ADARB2: variants seen among roughly 807,000 people sequenced by gnomAD.
The protein encoded by ADARB2 is adenosine deaminase RNA specific B2 (inactive).
Under a neutral mutation model 62.2 loss-of-function variants are expected in ADARB2, and 25 were observed. The observed-to-expected ratio is 0.40, with a 90% CI of 0.29 to 0.56. The LOEUF (loss-of-function observed/expected upper bound fraction) is 0.56. ADARB2 is among the 20% of genes least tolerant of loss of function. The pLI is 0.43. For missense variants in ADARB2, 1,071 were observed against 1,077.4 expected (o/e 0.99, Z 0.08); for synonymous variants, 572 against 500.8 (o/e 1.14, Z -1.90).
At chr10:1,631,284 G>A (rs1450437130) in intron 1 of ADARB2, among the ~76,000 whole-genome samples, 1 of 151,976 alleles carries the variant, frequency 6.6e-6, no homozygotes, top group African/African-American at 2.4e-5. Context: ...GGCCTGTAGA[G>A]CACCCACCAC....
At chr10:1,297,612 C>T (rs1831534859) in intron 3 of ADARB2, among the ~76,000 whole-genome samples, 1 of 152,226 alleles carries the variant, frequency 6.6e-6, no homozygotes, top group Admixed American at 6.5e-5. Context: ...ACCCCTCTTC[C>T]CAGCAGCTCC....
intron 1 of ADARB2, among the ~76,000 whole-genome samples, chr10:1,724,255 C>G (rs1835135215): frequency 6.6e-6 from 1 of 152,198 alleles, no homozygotes; most frequent in Non-Finnish European, 1.5e-5. Context: ...TCAGCTGCAC[C>G]CATCTCTGCA....
intron 1 of ADARB2, among the ~76,000 whole-genome samples, chr10:1,734,408 A>G (rs1159586881): frequency 6.6e-6 from 1 of 151,846 alleles, no homozygotes; most frequent in Non-Finnish European, 1.5e-5. Flanking sequence ...ATTATACTTA[A>G]TGAAAGTATT....
intron 1 of ADARB2, among the ~76,000 whole-genome samples, chr10:1,538,256 G>A (rs183492305): frequency 2.0e-5 from 3 of 152,194 alleles, no homozygotes; most frequent in Non-Finnish European, 4.4e-5. Flanking sequence ...TGCAGGGGTC[G>A]CAGACCTCTG....
At chr10:1,363,001 T>C (rs1832274643) in intron 3 of ADARB2, 27 bp downstream of exon 3, 3 of 1,305,210 alleles carry the variant, frequency 2.3e-6, no homozygotes, top group South Asian at 4.5e-5. Flanking sequence ...CGCCGCCCGT[T>C]CCCCCTGCAC....
intron 3 of ADARB2, among the ~76,000 whole-genome samples, chr10:1,355,681 G>A (rs1832187820): frequency 6.6e-6 from 1 of 152,288 alleles, no homozygotes; most frequent in Non-Finnish European, 1.5e-5. Context: ...CATGGTATTG[G>A]GAACCTATAG....
chr10:1,532,145 C>T (rs1832252297), intron 1 of ADARB2, among the ~76,000 whole-genome samples: 1 of 152,160 alleles, frequency 6.6e-6, no homozygotes, highest in Non-Finnish European at 1.5e-5. Flanking sequence ...TATCAGCCCG[C>T]ACCATTCCCT....
intron 8 of ADARB2, among the ~76,000 whole-genome samples, chr10:1,192,930 G>A (rs571197423): frequency 6.6e-6 from 1 of 152,238 alleles, no homozygotes; most frequent in Non-Finnish European, 1.5e-5. Flanking sequence ...GTGACAGAGC[G>A]AGACTCCGTC....
At chr10:1,647,602 C>T (rs947383374) in intron 1 of ADARB2, among the ~76,000 whole-genome samples, 1 of 150,548 alleles carries the variant, frequency 6.6e-6, no homozygotes, top group African/African-American at 2.5e-5. Context: ...GTATATATGT[C>T]TGTGTGGGGA....
chr10:1,406,771 C>G (rs1832710848), intron 1 of ADARB2, among the ~76,000 whole-genome samples: 1 of 152,194 alleles, frequency 6.6e-6, no homozygotes, highest in South Asian at 2.1e-4. Flanking sequence ...CGCCCTTTCC[C>G]CCATTGTCAA....
intron 1 of ADARB2, among the ~76,000 whole-genome samples, chr10:1,497,195 T>A (rs542603389): frequency 6.6e-6 from 1 of 152,242 alleles, no homozygotes; most frequent in Non-Finnish European, 1.5e-5. Flanking sequence ...CTTACTAACA[T>A]CTTCATTTTG....
chr10:1,598,817 A>G (rs896400433), intron 1 of ADARB2, among the ~76,000 whole-genome samples: 3 of 152,260 alleles, frequency 2.0e-5, no homozygotes, highest in Non-Finnish European at 2.9e-5. Flanking sequence ...ATCCGCAGAC[A>G]GAAGCGAAGG....
chr10:1,639,873 C>CA (rs144111050), intron 1 of ADARB2, among the ~76,000 whole-genome samples: 2 of 45,186 alleles, frequency 4.4e-5, no homozygotes, highest in Non-Finnish European at 1.3e-4. Flanking sequence ...CAAAACAAAA[C>CA]AAACAAACAA....
chr10:1,470,091 C>T (rs1280447285), intron 1 of ADARB2, among the ~76,000 whole-genome samples: 1 of 152,146 alleles, frequency 6.6e-6, no homozygotes, highest in African/African-American at 2.4e-5. Context: ...CCAGCCTGAC[C>T]CTCTCCCAGG....
intron 1 of ADARB2, among the ~76,000 whole-genome samples, chr10:1,734,645 G>A (rs1290187657): frequency 3.9e-5 from 6 of 152,206 alleles, no homozygotes; most frequent in Non-Finnish European, 5.9e-5. Context: ...GGGTCAGCAT[G>A]TATCTTAATT....
chr10:1,620,365 C>G (rs1034729635), intron 1 of ADARB2, among the ~76,000 whole-genome samples: 1 of 152,046 alleles, frequency 6.6e-6, no homozygotes, highest in East Asian at 1.9e-4. Context: ...CTTTATGGCC[C>G]AAATGAGGCA....
rs1832638822 is a variant in ADARB2 at position 1,398,933 on chromosome 10, T to TTCCAGGGACTTCTAAGAGTGG, written c.101-19794_101-19774dup. ...TTTGCCAGAGAACCACCGAAGAGCC[T>TTCCAGGGACTTCTAAGAGTGG]TCCAGGGACTTCTAAGAGTGGGCAC... On this transcript the variant is annotated intron_variant, in intron 1 of 9. Coordinates refer to ENST00000381312, the MANE Select transcript of ADARB2 (RefSeq NM_018702.4). The surrounding 1 kb of genome is among the most constrained non-coding windows in gnomAD (Gnocchi z 4.1). Among the ~76,000 whole-genome samples the TTCCAGGGACTTCTAAGAGTGG allele has an allele frequency of 6.6e-6, 1 of 152,170 alleles. No individual in the cohort carries two copies. The highest frequency in any genetic ancestry group is 6.5e-5 in the Admixed American group (1 of 15,282).
chr10:1,217,007 G>A lies in ADARB2; in HGVS notation c.1626C>T (p.Asp542=), dbSNP rs749348675. 1.5e-5 allele frequency: 24 copies of A among 1,610,850 alleles called. 1 individual carries two copies. The Middle Eastern group carries it at 6.6e-4, about 44-fold the overall frequency. ...VRGPSAVQTW[D]GVLLGEQLIT... is the part of the protein sequence containing the mutation. The stretch of plus-strand genomic sequence containing the variant: ...TCAGCTGCTCCCCCAGCAGGACGCC[G>A]TCCCAGGTCTGCACTGCGCTGGGGC... The change falls in exon 7 of 10, where the codon GAC becomes GAT. Residue 542 remains aspartate (D), a synonymous_variant. Coordinates refer to ENST00000381312, the MANE Select transcript of ADARB2 (RefSeq NM_018702.4).
At chr10:1,520,726 A>G (rs1832063055) in intron 1 of ADARB2, among the ~76,000 whole-genome samples, 1 of 152,204 alleles carries the variant, frequency 6.6e-6, no homozygotes, top group South Asian at 2.1e-4. Flanking sequence ...TTTTTGGCTA[A>G]TATGTATCAC....
Sources: gnomAD v4.1 joint callset for allele counts (sites outside exome capture counted in the v4.1 genomes callset) on GRCh38, gnomAD v4.1.1 for gene constraint, Gnocchi (gnomAD v3.1) non-coding constraint, MANE v1.5 for transcripts, NCBI Gene and HGNC (gene_info 2026-07-23, HGNC 2026-07-21) for gene names.